The following NADK variants were observed in gnomAD, a reference collection of about 807,000 sequenced individuals.
The protein encoded by NADK is NAD kinase.
NADK carries 22 observed loss-of-function variants against 49.8 expected under a neutral mutation model. The ratio of observed to expected loss-of-function variants is 0.44; its 90% CI spans 0.32 to 0.63. The LOEUF is 0.63. Ranked by LOEUF, NADK falls within the 30% of genes least tolerant of loss-of-function variation. The pLI, the probability that NADK is intolerant of heterozygous loss-of-function variation, is 0.06. For synonymous variants in NADK, 268 were observed against 253.7 expected, an observed-to-expected ratio of 1.06 and a Z score of -0.54; for missense variants, 438 against 609.4, an observed-to-expected ratio of 0.72 and a Z score of 2.96.
chr1:1,759,066 T>TC lies in NADK; in HGVS notation c.264-1757dup, dbSNP rs1478486566. 1.0e-5 allele frequency: 15 copies of TC among 1,492,180 alleles called. 1 individual carries two copies. The South Asian group carries it at 1.5e-4, about 15-fold the overall frequency. 92.4% of individuals were successfully genotyped at this position (1,492,180 alleles called of 1,614,324 possible). A position where few individuals can be genotyped will look rare whatever the true frequency, so the allele number is the denominator to read the frequency against. Reference sequence around the variant, plus strand: ...GCAAAGCCCCCGCCCTGCACACGGCTCCCCCTGCTCTCCCCGCCAACAGTC... The same window carrying TC: ...GCAAAGCCCCCGCCCTGCACACGGCTCCCCCCTGCTCTCCCCGCCAACAGTC... On this transcript the variant is annotated intron_variant, in intron 3 of 11. Coordinates refer to ENST00000341426, the MANE Select transcript of NADK (RefSeq NM_023018.5).
At chr1:1,774,621 T>G (rs977462642) in intron 1 of NADK, among the ~76,000 whole-genome samples, 1 of 151,336 alleles carries the variant, frequency 6.6e-6, no homozygotes, top group African/African-American at 2.4e-5. Context: ...GCCACCATTG[T>G]GCCTCGGCCT....
At chr1:1,762,984 C>G (rs1012564988) in intron 2 of NADK, among the ~76,000 whole-genome samples, 1 of 152,222 alleles carries the variant, frequency 6.6e-6, no homozygotes, top group Admixed American at 6.5e-5. Context: ...GCCTCCCAGT[C>G]CCTTCACAAA....
upstream of NADK, among the ~76,000 whole-genome samples, chr1:1,778,967 C>A (rs1378926934): frequency 1.3e-5 from 2 of 152,234 alleles, no homozygotes; most frequent in Non-Finnish European, 2.9e-5. This position sits in a 1 kb window ranked among gnomAD's most constrained non-coding sequence, Gnocchi z 4.9. Flanking sequence ...CGGTGTGGGC[C>A]GAGCCGGATT....
At chr1:1,768,184 A>G (rs1032721415) in intron 1 of NADK, among the ~76,000 whole-genome samples, 8 of 151,504 alleles carry the variant, frequency 5.3e-5, no homozygotes, top group Non-Finnish European at 1.2e-4. Context: ...AAAAAAAAAA[A>G]AAAGAAAAAA....
At chr1:1,753,205 AGT>A in intron 11 of NADK, 145 bp from the exon 12 acceptor site, 1 of 1,009,392 alleles carries the variant, frequency 9.9e-7, no homozygotes, top group East Asian at 2.6e-5. Context: ...AGGCTTGAGC[AGT>A]GCCCCATGGG....
Position 1,756,612 on chromosome 1 carries a change from G to A in NADK, c.394-4C>T. On this transcript the variant is annotated splice_polypyrimidine_tract_variant and splice_region_variant and intron_variant, in intron 4 of 11. Coordinates refer to ENST00000341426, the MANE Select transcript of NADK (RefSeq NM_023018.5). ...CCACATACACGATCATGTTCTCCTGGAAGCAAAGTGCCAACCTGCTCATTC... is the reference window on the plus strand; with the variant it reads ...CCACATACACGATCATGTTCTCCTGAAAGCAAAGTGCCAACCTGCTCATTC... 6.2e-7 allele frequency: 1 copy of A among 1,614,030 alleles called. No homozygotes were observed.
chr1:1,774,645 G>A (rs1054201152), intron 1 of NADK, among the ~76,000 whole-genome samples: 5 of 152,110 alleles, frequency 3.3e-5, no homozygotes, highest in Non-Finnish European at 7.4e-5. Flanking sequence ...ACAGTGCTGG[G>A]ATTGCAGGCG....
At chr1:1,777,428 C>A (rs916871656) in intron 1 of NADK, among the ~76,000 whole-genome samples, 4 of 152,182 alleles carry the variant, frequency 2.6e-5, no homozygotes, top group African/African-American at 7.2e-5. Context: ...ATGTCAGTTT[C>A]AGGCCAACTA....
intron 11 of NADK, 73 bp from the exon 12 acceptor site, chr1:1,753,133 C>A: frequency 6.6e-7 from 1 of 1,515,118 alleles, no homozygotes; most frequent in Non-Finnish European, 8.9e-7. Context: ...CCCTTCCTCC[C>A]TCCCTCCCTG....
chr1:1,762,177 T>C (rs922469950), intron 2 of NADK, 142 bp from the exon 3 acceptor site: 3 of 716,184 alleles, frequency 4.2e-6, no homozygotes, highest in Non-Finnish European at 2.4e-6. Context: ...AGCCACACAA[T>C]AGCCCTTGGA....
intron 1 of NADK, among the ~76,000 whole-genome samples, chr1:1,766,163 A>G (rs1347646193): frequency 6.6e-6 from 1 of 151,096 alleles, no homozygotes; most frequent in East Asian, 1.9e-4. Context: ...GAAAAGAAAG[A>G]CTCTGGCCAG....
Position 1,758,451 on chromosome 1 carries a change from G to A in NADK, c.264-1141C>T, listed in dbSNP as rs113122902. The A allele has an allele frequency of 1.7e-4, 269 of 1,612,282 alleles. No individual in the cohort carries two copies. In the African/African-American group the frequency reaches 2.8e-3, roughly 17 times the overall value. ...CTGCCGGGTCACACATGTGGCTCGC[G>A]AGGTAGCCCCTGCCTGCTGGGAGCC... On this transcript the variant is annotated intron_variant, in intron 3 of 11. Transcript: ENST00000341426.
In NADK at chr1:1,754,812, C is replaced by T. The variant is rs1465387021; in HGVS notation, c.689-114G>A. 1.0e-6 allele frequency: 1 copy of T among 958,458 alleles called. No homozygotes were observed. The highest frequency in any genetic ancestry group is 2.5e-5 in the Admixed American group (1 of 39,708). The allele number at this position is 958,458 out of a possible 1,614,324, so 59.4% of individuals were successfully genotyped here. ...GGCTCTTTCTTCTCCCAAGTTGACA[C>T]ACTTCTGTGCCTTTTTCTTTTTATT... is the stretch of plus-strand genomic sequence containing the variant. On this transcript the variant is annotated intron_variant, in intron 7 of 11. Transcript: ENST00000341426. The surrounding 1 kb of genome is among the most constrained non-coding windows in gnomAD (Gnocchi z 4.3).
intron 1 of NADK, 79 bp from the exon 2 acceptor site, chr1:1,765,525 T>G: frequency 1.4e-6 from 1 of 707,098 alleles, no homozygotes; most frequent in Non-Finnish European, 2.1e-6. Flanking sequence ...ATACATATGT[T>G]CCATTTCATC....
chr1:1,779,637 C>T (rs1646313641), upstream of NADK, among the ~76,000 whole-genome samples: 1 of 151,726 alleles, frequency 6.6e-6, no homozygotes, highest in Non-Finnish European at 1.5e-5. Flanking sequence ...TCCCGCCACA[C>T]TCGACTACTT....
intron 1 of NADK, among the ~76,000 whole-genome samples, chr1:1,771,041 A>AT (rs200925687): frequency 0.055 from 3,356 of 61,176 alleles, 134 homozygotes; most frequent in African/African-American, 0.13. Context: ...ATTTCATCTT[A>AT]TAAAAAAAAA....
At chr1:1,759,188 G>C in intron 3 of NADK, 1 of 1,570,506 alleles carries the variant, frequency 6.4e-7, no homozygotes, top group Non-Finnish European at 8.6e-7. Flanking sequence ...CACCGGCCCA[G>C]GCACCCACCG....
At chr1:1,765,595 ATTGC>A in intron 1 of NADK, 149 bp from the exon 2 acceptor site, 1 of 454,068 alleles carries the variant, frequency 2.2e-6, no homozygotes, top group Non-Finnish European at 3.7e-6. Context: ...GACTGTTTCC[ATTGC>A]AAAGATATTT....
In NADK at chr1:1,778,088, A is replaced by G. The variant is rs1345975181; in HGVS notation, c.-41+201T>C. 6.6e-6 allele frequency among the ~76,000 whole-genome samples: 1 copy of G among 152,118 alleles called. No homozygotes were observed. The highest frequency in any genetic ancestry group is 1.5e-5 in the Non-Finnish European group (1 of 68,002). ...GCGGCCTCCCTCAGACCCGTCCCCA[A>G]GGCCGAGCCTCGCCCTGGGCCGTGC... On this transcript the variant is annotated intron_variant, in intron 1 of 11. Coordinates refer to ENST00000341426, the MANE Select transcript of NADK (RefSeq NM_023018.5). The surrounding 1 kb of genome is among the most constrained non-coding windows in gnomAD (Gnocchi z 4.9).
Sources: gnomAD v4.1 joint callset for allele counts (sites outside exome capture counted in the v4.1 genomes callset) on GRCh38, gnomAD v4.1.1 for gene constraint, Gnocchi (gnomAD v3.1) non-coding constraint, MANE v1.5 for transcripts, NCBI Gene and HGNC (gene_info 2026-07-23, HGNC 2026-07-21) for gene names.